Variants in PRUNE2 observed in about 807,000 individuals in gnomAD.
PRUNE2 encodes prune homolog 2 with BCH domain, also known as protein prune homolog 2.
A neutral mutation model predicts 252.0 loss-of-function variants in PRUNE2; 164 were observed. The observed-to-expected ratio is 0.65, with a 90% CI of 0.57 to 0.74. The LOEUF (loss-of-function observed/expected upper bound fraction) is 0.74, where lower values mean the gene tolerates loss of function less well. Among genes scored for constraint, PRUNE2 ranks in the 30% least tolerant of loss-of-function variants. The pLI is 0.00. For missense variants in PRUNE2, 3,495 were observed against 3,711.0 expected, an observed-to-expected ratio of 0.94 and a Z score of 1.51; for synonymous variants, 1,292 against 1,350.2, an observed-to-expected ratio of 0.96 and a Z score of 0.94.
At chr9:76,675,710 A>G (rs2042410118) in intron 9 of PRUNE2, among the ~76,000 whole-genome samples, 1 of 121,934 alleles carries the variant, frequency 8.2e-6, no homozygotes, top group Non-Finnish European at 1.8e-5. Flanking sequence ...TGTGGCACAT[A>G]TACACCATGG....
chr9:76,828,933 C>A (rs148132642), intron 4 of PRUNE2, among the ~76,000 whole-genome samples: 2,538 of 144,216 alleles, frequency 0.018, 81 homozygotes, highest in African/African-American at 0.063. Context: ...GGGAGAATTG[C>A]TTGAATCTGG....
intron 1 of PRUNE2, among the ~76,000 whole-genome samples, chr9:76,892,949 T>C (rs2062575679): frequency 6.6e-6 from 1 of 152,202 alleles, no homozygotes; most frequent in Non-Finnish European, 1.5e-5. Context: ...CTGGGCACAG[T>C]GGCTCACACC....
chr9:76,704,517 G>A (rs549850085), intron 8 of PRUNE2, among the ~76,000 whole-genome samples: 11 of 152,228 alleles, frequency 7.2e-5, no homozygotes, highest in East Asian at 5.8e-4. Context: ...GAGCCACCGC[G>A]CCCAGCTAGA....
intron 18 of PRUNE2, chr9:76,614,947 A>G (rs1196723758): frequency 1.3e-5 from 4 of 306,262 alleles, no homozygotes; most frequent in Non-Finnish European, 2.0e-5. Context: ...ATTTTATTTA[A>G]TAAGTGACCT....
chr9:76,623,483 C>A (rs979504024), intron 17 of PRUNE2, among the ~76,000 whole-genome samples: 1 of 151,906 alleles, frequency 6.6e-6, no homozygotes, highest in African/African-American at 2.4e-5. Flanking sequence ...TTAGTAGAGA[C>A]GGGGTTTCAC....
intron 3 of PRUNE2, 128 bp from the exon 4 acceptor site, chr9:76,846,806 A>G (rs1013147880): frequency 1.0e-5 from 7 of 681,296 alleles, no homozygotes; most frequent in Middle Eastern, 2.6e-4. Flanking sequence ...GGGAACTCAC[A>G]TGACTCAGAA....
intron 1 of PRUNE2, among the ~76,000 whole-genome samples, chr9:76,905,152 A>G (rs543503423): frequency 6.6e-6 from 1 of 152,112 alleles, no homozygotes; most frequent in African/African-American, 2.4e-5. Flanking sequence ...GCTGTGCTGG[A>G]GAGCCAAAAC....
chr9:76,870,686 A>AT (rs970704790), intron 1 of PRUNE2, among the ~76,000 whole-genome samples: 1 of 118,592 alleles, frequency 8.4e-6, no homozygotes, highest in Non-Finnish European at 1.7e-5. Context: ...ATTCTGTCTC[A>AT]AAAAAAAAAA....
At chr9:76,884,393 T>C (rs1249351684) in intron 1 of PRUNE2, among the ~76,000 whole-genome samples, 2 of 152,202 alleles carry the variant, frequency 1.3e-5, no homozygotes, top group Non-Finnish European at 2.9e-5. Flanking sequence ...CAAATGCATT[T>C]AATCTTCACA....
chr9:76,725,986 C>T lies in PRUNE2; in HGVS notation c.757-12265G>A, dbSNP rs553542420. 3.3e-5 allele frequency among the ~76,000 whole-genome samples: 5 copies of T among 152,328 alleles called. No individual in the cohort carries two copies. The East Asian group carries it at 5.8e-4, about 18-fold the overall frequency. On this transcript the variant is annotated intron_variant, in intron 6 of 18. Coordinates refer to ENST00000376718, the MANE Select transcript of PRUNE2 (RefSeq NM_015225.3). Reference sequence around the variant, plus strand: ...AGAAGCCAAGAAGAGCCTGAGCACGCGCTGGGAGAAGGGCAGGGGTTGCCA... The same window carrying T: ...AGAAGCCAAGAAGAGCCTGAGCACGTGCTGGGAGAAGGGCAGGGGTTGCCA...
At chr9:76,672,065 A>G (rs2041596661) in intron 9 of PRUNE2, among the ~76,000 whole-genome samples, 1 of 151,146 alleles carries the variant, frequency 6.6e-6, no homozygotes. Context: ...TTAACTTTAA[A>G]TGTCAATGGA....
chr9:76,665,821 G>C (rs2040034166), intron 9 of PRUNE2, among the ~76,000 whole-genome samples: 1 of 152,010 alleles, frequency 6.6e-6, no homozygotes, highest in African/African-American at 2.4e-5. Context: ...ATCACCTGAG[G>C]TCAGGAGTTC....
At chr9:76,693,439 C>CT (rs550030416) in intron 9 of PRUNE2, among the ~76,000 whole-genome samples, 1,139 of 107,988 alleles carry the variant, frequency 0.011, 29 homozygotes, top group African/African-American at 0.034. Context: ...AGCACCTACT[C>CT]TTTTTTTTTT....
intron 6 of PRUNE2, among the ~76,000 whole-genome samples, chr9:76,755,151 C>T (rs527620277): frequency 2.6e-5 from 4 of 152,102 alleles, no homozygotes; most frequent in Admixed American, 2.6e-4. Flanking sequence ...CTTTAAGGTG[C>T]TTTCTCAAAA....
chr9:76,829,009 T>G (rs556572341), intron 4 of PRUNE2, among the ~76,000 whole-genome samples: 3 of 106,040 alleles, frequency 2.8e-5, no homozygotes, highest in Non-Finnish European at 5.5e-5. Context: ...AGAGTCTCAC[T>G]CTGTCTCAAA....
intron 17 of PRUNE2, among the ~76,000 whole-genome samples, chr9:76,621,701 A>T (rs918080797): frequency 2.0e-5 from 3 of 151,914 alleles, no homozygotes; most frequent in African/African-American, 7.3e-5. Flanking sequence ...TTTTCTTGAG[A>T]CAGGGTCTCA....
At chr9:76,905,254 A>G (rs188080246) in intron 1 of PRUNE2, among the ~76,000 whole-genome samples, 1 of 152,324 alleles carries the variant, frequency 6.6e-6, no homozygotes, top group East Asian at 1.9e-4. Flanking sequence ...CACTGTTTGG[A>G]CAGTGATATG....
At position 76,837,926 on chromosome 9, in the gene PRUNE2, C is replaced by T. The variant is rs552012761; in HGVS notation, c.508+8589G>A. ...AGCTGGGACTACAGGCGCCTGCCAC[C>T]ACGCCCAGCTAATTTTTTGTATTTT... On this transcript the variant is annotated intron_variant, in intron 4 of 18. Coordinates refer to ENST00000376718, the MANE Select transcript of PRUNE2 (RefSeq NM_015225.3). Among the ~76,000 whole-genome samples, 835 of 151,874 alleles carry T rather than the reference C, an allele frequency of 5.5e-3. 4 individuals are homozygous for T. The highest frequency in any genetic ancestry group is 8.5e-3 in the Non-Finnish European group (581 of 67,964).
chr9:76,694,987 T>C (rs111485009), intron 9 of PRUNE2, among the ~76,000 whole-genome samples: 2,045 of 152,312 alleles, frequency 0.013, 41 homozygotes, highest in African/African-American at 0.046. Context: ...GAGTTGATGG[T>C]ATAATAGATG....
Sources: allele counts gnomAD v4.1 joint callset (sites outside exome capture counted in the v4.1 genomes callset), GRCh38; gene constraint gnomAD v4.1.1; transcripts MANE v1.5; gene names NCBI Gene and HGNC (gene_info 2026-07-23, HGNC 2026-07-21).